ABTB3: variants seen among roughly 807,000 people sequenced by gnomAD.
ABTB3 encodes the protein ankyrin repeat- and BTB/POZ domain-containing protein 3.
chr12:107,572,592 C>T, the ABTB3 span, among the ~76,000 whole-genome samples: 3 of 152,160 alleles, frequency 2.0e-5, no homozygotes, highest in African/African-American at 7.2e-5. Flanking sequence ...GTTTTGCTCA[C>T]ATCCTATTTA....
At chr12:107,454,747 G>T in the ABTB3 span, among the ~76,000 whole-genome samples, 1 of 152,124 alleles carries the variant, frequency 6.6e-6, no homozygotes, top group Non-Finnish European at 1.5e-5. Context: ...CTGCATGCTG[G>T]GGGAGCTGCA....
the ABTB3 span, among the ~76,000 whole-genome samples, chr12:107,500,059 C>T: frequency 6.6e-6 from 1 of 152,136 alleles, no homozygotes; most frequent in South Asian, 2.1e-4. Context: ...GAGAAACAGC[C>T]ATGGAGGAAA....
At chr12:107,649,337 C>T in the ABTB3 span, 11 of 1,453,316 alleles carry the variant, frequency 7.6e-6, no homozygotes, top group African/African-American at 2.8e-5. Flanking sequence ...CTTCTGTAAA[C>T]TCGGGTCACC....
the ABTB3 span, among the ~76,000 whole-genome samples, chr12:107,329,162 A>G: frequency 1.8e-4 from 27 of 152,202 alleles, no homozygotes; most frequent in African/African-American, 6.5e-4. Context: ...AAACTGTGAC[A>G]TACAGGAGAA....
the ABTB3 span, among the ~76,000 whole-genome samples, chr12:107,561,458 G>T: frequency 6.6e-6 from 1 of 152,050 alleles, no homozygotes; most frequent in African/African-American, 2.4e-5. Context: ...TAATGCCCCA[G>T]TCCACCAGTA....
chr12:107,530,671 A>G, the ABTB3 span, among the ~76,000 whole-genome samples: 3 of 152,220 alleles, frequency 2.0e-5, no homozygotes, highest in Admixed American at 1.3e-4. Flanking sequence ...AGTTCTATGT[A>G]ATCATCTTTA....
the ABTB3 span, among the ~76,000 whole-genome samples, chr12:107,639,579 C>T: frequency 1.3e-5 from 2 of 152,214 alleles, no homozygotes; most frequent in African/African-American, 4.8e-5. Flanking sequence ...CTCAACAAGA[C>T]AGAAGTGCTG....
At chr12:107,531,989 G>A in the ABTB3 span, among the ~76,000 whole-genome samples, 1 of 152,290 alleles carries the variant, frequency 6.6e-6, no homozygotes, top group South Asian at 2.1e-4. Flanking sequence ...TTGCACATCA[G>A]GGAGTCTGCC....
At chr12:107,441,008 A>G in the ABTB3 span, among the ~76,000 whole-genome samples, 19 of 152,212 alleles carry the variant, frequency 1.2e-4, no homozygotes, top group Non-Finnish European at 2.4e-4. Flanking sequence ...GTTAGGGTTC[A>G]GTCCTCAACG....
the ABTB3 span, among the ~76,000 whole-genome samples, chr12:107,333,840 A>G: frequency 6.6e-6 from 1 of 152,252 alleles, no homozygotes; most frequent in Non-Finnish European, 1.5e-5. Flanking sequence ...TGCCATGGAA[A>G]AAATAAATCA....
At chr12:107,578,526 A>G in the ABTB3 span, among the ~76,000 whole-genome samples, 43 of 150,532 alleles carry the variant, frequency 2.9e-4, no homozygotes, top group African/African-American at 9.0e-4. Flanking sequence ...GCAGCCCCCC[A>G]GGGACTCAGG....
the ABTB3 span, among the ~76,000 whole-genome samples, chr12:107,331,040 C>T: frequency 6.6e-6 from 1 of 152,202 alleles, no homozygotes; most frequent in African/African-American, 2.4e-5. Context: ...CATGGATTAA[C>T]TGATTTTCTC....
chr12:107,607,688 C>T, the ABTB3 span, among the ~76,000 whole-genome samples: 2 of 152,202 alleles, frequency 1.3e-5, no homozygotes, highest in Non-Finnish European at 2.9e-5. Flanking sequence ...TGCGTCCCAG[C>T]AGCTCCCCCT....
chr12:107,440,076 G>A, the ABTB3 span, among the ~76,000 whole-genome samples: 73 of 152,222 alleles, frequency 4.8e-4, 1 homozygote, highest in Admixed American at 3.3e-3. Flanking sequence ...CATTACCTGG[G>A]AACACCTCCC....
the ABTB3 span, among the ~76,000 whole-genome samples, chr12:107,417,281 A>G: frequency 6.6e-6 from 1 of 152,164 alleles, no homozygotes; most frequent in African/African-American, 2.4e-5. Flanking sequence ...CCATAACAAA[A>G]TACCACAAAC....
chr12:107,540,832 A>T, the ABTB3 span, among the ~76,000 whole-genome samples: 8 of 151,996 alleles, frequency 5.3e-5, no homozygotes, highest in Non-Finnish European at 1.2e-4. Context: ...ACAAAAAATT[A>T]AAAAAATAAA....
the ABTB3 span, among the ~76,000 whole-genome samples, chr12:107,352,021 C>G: frequency 6.6e-6 from 1 of 152,160 alleles, no homozygotes; most frequent in African/African-American, 2.4e-5. Flanking sequence ...AATTAATTCA[C>G]TTAATAAATA....
chr12:107,532,408 G>GTAGCTTA, the ABTB3 span, among the ~76,000 whole-genome samples: 81 of 152,304 alleles, frequency 5.3e-4, no homozygotes, highest in Non-Finnish European at 9.1e-4. Context: ...AAGCTAGTGA[G>GTAGCTTA]GAACATGCAG....
the ABTB3 span, among the ~76,000 whole-genome samples, chr12:107,498,601 G>A: frequency 6.6e-6 from 1 of 152,044 alleles, no homozygotes; most frequent in Non-Finnish European, 1.5e-5. Context: ...TGGACCCATC[G>A]TCTTTAAAGC....
Sources: allele counts gnomAD v4.1 joint callset (sites outside exome capture counted in the v4.1 genomes callset), GRCh38; gene constraint gnomAD v4.1.1; transcripts MANE v1.5; gene names NCBI Gene and HGNC (gene_info 2026-07-23, HGNC 2026-07-21).